The following KLF12 variants were observed in gnomAD, a reference collection of about 807,000 sequenced individuals.
The protein encoded by KLF12 is Krueppel-like factor 12.
In KLF12, 9 loss-of-function variants were observed where a neutral mutation model predicts 37.8. The ratio of observed to expected loss-of-function variants is 0.24; its 90% confidence interval spans 0.14 to 0.42. The LOEUF is 0.42. KLF12 is among the 10% of genes least tolerant of loss of function. KLF12 has a pLI of 1.00. For synonymous variants in KLF12, 208 were observed against 202.1 expected (o/e 1.03, Z -0.25); for missense variants, 411 against 516.0 (o/e 0.80, Z 1.97).
At chr13:73,943,848 G>T in intron 3 of KLF12, 133 bp downstream of exon 3, 1 of 616,518 alleles carries the variant, frequency 1.6e-6, no homozygotes, top group African/African-American at 1.9e-5. Context: ...TCAGATTTTT[G>T]TTTGTTTTAA....
rs191451680 is a variant in KLF12 at position 73,988,545 on chromosome 13, A to C, written c.33+6445T>G. 3.3e-4 allele frequency among the ~76,000 whole-genome samples: 50 copies of C among 152,342 alleles called. No individual in the cohort carries two copies. The East Asian group carries it at 6.9e-3, about 21-fold the overall frequency. On this transcript the variant is annotated intron_variant, in intron 2 of 7. Transcript: ENST00000377669. ...GAAGTTGCCAACATTCTGTAAGTGA[A>C]CCAATAACATATGCCCCAACTACCA... is the stretch of plus-strand genomic sequence containing the variant.
At chr13:74,120,423 T>G (rs1449413919) in intron 1 of KLF12, among the ~76,000 whole-genome samples, 1 of 152,116 alleles carries the variant, frequency 6.6e-6, no homozygotes, top group East Asian at 1.9e-4. Context: ...GAGGTTGCAG[T>G]GAGCTGAGGC....
At chr13:74,047,321 G>A (rs1289085180) in intron 1 of KLF12, among the ~76,000 whole-genome samples, 2 of 152,104 alleles carry the variant, frequency 1.3e-5, no homozygotes, top group African/African-American at 4.8e-5. Flanking sequence ...GCCAGGCGCG[G>A]TGGCTCACCC....
chr13:73,851,182 T>G (rs1020430491), intron 3 of KLF12, among the ~76,000 whole-genome samples: 4 of 152,204 alleles, frequency 2.6e-5, no homozygotes, highest in African/African-American at 7.2e-5. Flanking sequence ...TTCCTCCGGT[T>G]AGAACTAAAA....
At chr13:74,249,628 A>T in the KLF12 span, among the ~76,000 whole-genome samples, 1 of 152,310 alleles carries the variant, frequency 6.6e-6, no homozygotes, top group South Asian at 2.1e-4. Context: ...TTCATTAATC[A>T]TAATTCTGTT....
chr13:73,878,085 T>C (rs1039529746), intron 3 of KLF12, among the ~76,000 whole-genome samples: 3 of 152,172 alleles, frequency 2.0e-5, no homozygotes, highest in African/African-American at 4.8e-5. Flanking sequence ...GACTTCATGA[T>C]AAAATAGCAG....
At chr13:73,976,684 T>A (rs1891533418) in intron 2 of KLF12, among the ~76,000 whole-genome samples, 1 of 152,164 alleles carries the variant, frequency 6.6e-6, no homozygotes, top group Non-Finnish European at 1.5e-5. Context: ...AATATCCTCA[T>A]CACGCTGAAA....
At chr13:74,144,486 G>T in the KLF12 span, among the ~76,000 whole-genome samples, 3 of 152,144 alleles carry the variant, frequency 2.0e-5, no homozygotes, top group Non-Finnish European at 4.4e-5. Context: ...AAATTAAAGT[G>T]CAGTGCCACA....
chr13:73,713,068 A>C (rs894417098), intron 7 of KLF12, among the ~76,000 whole-genome samples: 1 of 152,204 alleles, frequency 6.6e-6, no homozygotes, highest in African/African-American at 2.4e-5. Context: ...TGAAAACTTA[A>C]AAAGACACAG....
At chr13:74,246,137 T>G in the KLF12 span, among the ~76,000 whole-genome samples, 19 of 152,198 alleles carry the variant, frequency 1.2e-4, no homozygotes, top group African/African-American at 4.6e-4. Flanking sequence ...TCTAGTTATA[T>G]ATATCAGAAT....
At chr13:74,052,820 T>G (rs551788298) in intron 1 of KLF12, among the ~76,000 whole-genome samples, 19 of 152,296 alleles carry the variant, frequency 1.2e-4, no homozygotes, top group African/African-American at 4.6e-4. Flanking sequence ...TGGCTCTCTC[T>G]CCCCTGTGTA....
intron 7 of KLF12, among the ~76,000 whole-genome samples, chr13:73,708,271 T>C (rs1236804389): frequency 1.3e-5 from 2 of 152,210 alleles, no homozygotes; most frequent in Non-Finnish European, 2.9e-5. Flanking sequence ...AAAATGAATA[T>C]TATACAGGAT....
At chr13:73,832,992 C>A (rs1884244230) in intron 4 of KLF12, among the ~76,000 whole-genome samples, 1 of 152,108 alleles carries the variant, frequency 6.6e-6, no homozygotes, top group East Asian at 1.9e-4. Flanking sequence ...ATTTTTATTA[C>A]AATTTATAGT....
In KLF12 at chr13:74,000,070, T is replaced by C. The variant is rs998341662; in HGVS notation, c.-31-5017A>G. 1.6e-4 allele frequency among the ~76,000 whole-genome samples: 25 copies of C among 152,292 alleles called. No homozygotes were observed. In the Middle Eastern group the frequency reaches 0.01, roughly 62 times the overall value. Reference sequence around the variant, plus strand: ...ATCATAAGCCCTCCTCCCCACTTTTTTTAAAGCTAAGAATATTAAAAAAGA... The same window carrying C: ...ATCATAAGCCCTCCTCCCCACTTTTCTTAAAGCTAAGAATATTAAAAAAGA... On this transcript the variant is annotated intron_variant, in intron 1 of 7. Coordinates refer to ENST00000377669, the MANE Select transcript of KLF12 (RefSeq NM_007249.5).
intron 3 of KLF12, among the ~76,000 whole-genome samples, chr13:73,929,350 G>T (rs1214140885): frequency 1.3e-5 from 2 of 152,112 alleles, no homozygotes; most frequent in Non-Finnish European, 2.9e-5. Flanking sequence ...CCATGAGGCA[G>T]ATATTATAAT....
chr13:74,275,866 CTATCTTTCTTTCTTCTTTCT>C, the KLF12 span, among the ~76,000 whole-genome samples: 3 of 91,160 alleles, frequency 3.3e-5, no homozygotes, highest in South Asian at 7.2e-4. Context: ...TTCTTTCTTT[CTATCTTTCTTTCTTCTTTCT>C]TTCTTTCTTT....
At chr13:74,097,795 A>G (rs959750428) in intron 1 of KLF12, among the ~76,000 whole-genome samples, 1 of 151,750 alleles carries the variant, frequency 6.6e-6, no homozygotes, top group Admixed American at 6.6e-5. Context: ...TTTTTCCTAA[A>G]GCAGCAACAC....
chr13:73,922,290 T>C lies in KLF12; in HGVS notation c.123+21691A>G, dbSNP rs565895947. On this transcript the variant is annotated intron_variant, in intron 3 of 7. Coordinates refer to ENST00000377669, the MANE Select transcript of KLF12 (RefSeq NM_007249.5). Reference sequence around the variant, plus strand: ...TGCTTTTTCCCCCTTCAGTTGTCTATGTTAGACATTCTACAGATACTCCTG... The same window carrying C: ...TGCTTTTTCCCCCTTCAGTTGTCTACGTTAGACATTCTACAGATACTCCTG... 6.2e-4 allele frequency among the ~76,000 whole-genome samples: 95 copies of C among 152,318 alleles called. 1 individual carries two copies. Among genetic ancestry groups the C allele is most frequent in the Middle Eastern group, 3.4e-3 (1 of 294 alleles).
At chr13:73,737,522 G>C (rs1877550525) in intron 6 of KLF12, among the ~76,000 whole-genome samples, 1 of 152,128 alleles carries the variant, frequency 6.6e-6, no homozygotes, top group Admixed American at 6.5e-5. Context: ...CAGGTCCTAT[G>C]ATGCTGTGAT....
Sources: allele counts gnomAD v4.1 joint callset (sites outside exome capture counted in the v4.1 genomes callset), GRCh38; gene constraint gnomAD v4.1.1; transcripts MANE v1.5; gene names NCBI Gene and HGNC (gene_info 2026-07-23, HGNC 2026-07-21).